CUX1: variants seen among roughly 807,000 people sequenced by gnomAD.
The protein encoded by CUX1 is protein CASP.
A neutral mutation model predicts 158.8 loss-of-function variants in CUX1; 31 were observed. The ratio of observed to expected loss-of-function variants is 0.20; its 90% CI spans 0.15 to 0.26. CUX1 has a LOEUF of 0.26. CUX1 is among the 10% of genes least tolerant of loss of function. The pLI is 1.00. For missense variants in CUX1, 1,589 were observed against 2,014.6 expected (o/e 0.79, Z 4.04); for synonymous variants, 879 against 862.1 (o/e 1.02, Z -0.34).
intron 21 of CUX1, among the ~76,000 whole-genome samples, chr7:102,230,770 G>A (rs1298517788): frequency 6.6e-6 from 1 of 152,164 alleles, no homozygotes; most frequent in Non-Finnish European, 1.5e-5. Flanking sequence ...TCCTAGACTT[G>A]AGTCATCTCC....
At chr7:101,934,940 G>C (rs1364207207) in intron 2 of CUX1, among the ~76,000 whole-genome samples, 1 of 152,060 alleles carries the variant, frequency 6.6e-6, no homozygotes, top group African/African-American at 2.4e-5. Context: ...CCGGGGTGAG[G>C]AGCAGGAGGA....
intron 3 of CUX1, among the ~76,000 whole-genome samples, chr7:102,057,020 G>C (rs1355537394): frequency 6.6e-6 from 1 of 151,596 alleles, no homozygotes; most frequent in Non-Finnish European, 1.5e-5. Flanking sequence ...TCCTGCCTCA[G>C]CCTCCCGAGT....
At chr7:101,989,385 T>C (rs1585191691) in intron 2 of CUX1, among the ~76,000 whole-genome samples, 1 of 152,190 alleles carries the variant, frequency 6.6e-6, no homozygotes, top group African/African-American at 2.4e-5. Context: ...TGGCCAGCCG[T>C]GATTTCATCT....
chr7:101,977,782 TAATA>T (rs767792552), intron 2 of CUX1, among the ~76,000 whole-genome samples: 2 of 151,964 alleles, frequency 1.3e-5, no homozygotes, highest in African/African-American at 2.4e-5. Context: ...AAAATAATAA[TAATA>T]AATAAATAAA....
At chr7:101,818,992 C>G (rs1411864037) in intron 1 of CUX1, 2 of 152,234 alleles carry the variant, frequency 1.3e-5, no homozygotes, top group Non-Finnish European at 2.9e-5. Flanking sequence ...GAGGTTGGGC[C>G]GTTCCGCAGT....
chr7:101,856,566 C>A (rs1027693605), intron 1 of CUX1, among the ~76,000 whole-genome samples: 2 of 152,178 alleles, frequency 1.3e-5, no homozygotes, highest in Admixed American at 6.5e-5. Flanking sequence ...CAGACAAAGC[C>A]ACGCAATCTG....
chr7:102,103,771 G>A (rs1232920089), intron 5 of CUX1, among the ~76,000 whole-genome samples: 2 of 149,576 alleles, frequency 1.3e-5, no homozygotes, highest in African/African-American at 4.9e-5. Flanking sequence ...TAATTTATTT[G>A]TAATTTGTGT....
At chr7:102,128,830 TTGCTGGGCGTGGTGGC>T (rs1832921164) in intron 8 of CUX1, among the ~76,000 whole-genome samples, 1 of 151,596 alleles carries the variant, frequency 6.6e-6, no homozygotes, top group Non-Finnish European at 1.5e-5. Flanking sequence ...ATACAAAAAT[TTGCTGGGCGTGGTGGC>T]ATGTGTCTGT....
chr7:101,912,141 C>T (rs1301467503), intron 1 of CUX1, among the ~76,000 whole-genome samples: 2 of 151,712 alleles, frequency 1.3e-5, no homozygotes, highest in Admixed American at 6.6e-5. Context: ...CTGTCTTCCT[C>T]GGGAGAGTTC....
chr7:102,036,181 C>T (rs34765461), intron 3 of CUX1, among the ~76,000 whole-genome samples: 4,243 of 152,102 alleles, frequency 0.028, 85 homozygotes, highest in Non-Finnish European at 0.034. Flanking sequence ...GTCTCAAACT[C>T]CTGACCTCAG....
intron 1 of CUX1, among the ~76,000 whole-genome samples, chr7:101,864,200 G>C (rs1220686608): frequency 2.0e-5 from 3 of 149,892 alleles, no homozygotes; most frequent in Non-Finnish European, 3.0e-5. Context: ...TCACTGTGTT[G>C]CCCAGGCTGG....
chr7:101,849,978 G>C (rs1347252665), intron 1 of CUX1, among the ~76,000 whole-genome samples: 3 of 147,774 alleles, frequency 2.0e-5, no homozygotes, highest in African/African-American at 7.5e-5. Context: ...GAGTGCAGTG[G>C]CGCGATCTAG....
intron 1 of CUX1, among the ~76,000 whole-genome samples, chr7:101,839,561 T>C (rs1157723201): frequency 6.6e-6 from 1 of 152,210 alleles, no homozygotes; most frequent in African/African-American, 2.4e-5. Flanking sequence ...CAGTGTTGTG[T>C]CATTTTCTCT....
At chr7:101,821,360 A>G (rs1792468051) in intron 1 of CUX1, among the ~76,000 whole-genome samples, 1 of 146,588 alleles carries the variant, frequency 6.8e-6, no homozygotes, top group South Asian at 2.1e-4. Flanking sequence ...TTTTTTTGAG[A>G]CAGAGTCTCG....
At chr7:101,839,280 G>C (rs191135958) in intron 1 of CUX1, among the ~76,000 whole-genome samples, 6 of 152,108 alleles carry the variant, frequency 3.9e-5, no homozygotes, top group Non-Finnish European at 5.9e-5. Flanking sequence ...GGTCACCCTC[G>C]GTGGTATCTG....
chr7:102,007,204 C>T (rs952994833), intron 2 of CUX1, among the ~76,000 whole-genome samples: 3 of 152,178 alleles, frequency 2.0e-5, no homozygotes, highest in African/African-American at 4.8e-5. Context: ...TGCAGGGGCG[C>T]GATCCTGGCT....
At chr7:102,009,678 G>C (rs2129292967) in intron 2 of CUX1, among the ~76,000 whole-genome samples, 1 of 152,326 alleles carries the variant, frequency 6.6e-6, no homozygotes, top group South Asian at 2.1e-4. Flanking sequence ...CCATCTTCCA[G>C]CCTCCACCCC....
chr7:102,257,510 G>A lies in CUX1; in HGVS notation c.*8468G>A. On this transcript the variant is annotated 3_prime_UTR_variant, in exon 24 of 24. Coordinates refer to ENST00000292535, the MANE Select transcript of CUX1 (RefSeq NM_181552.4). ...GAATAGCTTGTTATAAAATAAAAGT[G>A]GGGGTAAAAAGAAGGTGGTTTTCCC... 1 of 985,298 alleles carries A rather than the reference G, an allele frequency of 1.0e-6. No homozygotes were observed. The highest frequency in any genetic ancestry group is 1.2e-6 in the Non-Finnish European group (1 of 829,910). The allele number at this position is 985,298 out of a possible 1,614,324, so 61.0% of individuals were successfully genotyped here.
chr7:102,231,594 A>G lies in CUX1; in HGVS notation c.3434-2458A>G, dbSNP rs781813938. On this transcript the variant is annotated intron_variant, in intron 21 of 23. Coordinates refer to ENST00000292535, the MANE Select transcript of CUX1 (RefSeq NM_181552.4). ...TCATCTGATTTTTTTTTCCCCATTC[A>G]GCTGGGAGGCCTAAGCAAAGAGCAA... is the stretch of plus-strand genomic sequence containing the variant. Among the ~76,000 whole-genome samples, 6 of 152,116 alleles carry G rather than the reference A, an allele frequency of 3.9e-5. No homozygotes were observed. The East Asian group carries it at 5.8e-4, about 15-fold the overall frequency.
Sources: gnomAD v4.1 joint callset for allele counts (sites outside exome capture counted in the v4.1 genomes callset) on GRCh38, gnomAD v4.1.1 for gene constraint, MANE v1.5 for transcripts, NCBI Gene and HGNC (gene_info 2026-07-23, HGNC 2026-07-21) for gene names.